PRKCE: variants seen among roughly 807,000 people sequenced by gnomAD.
PRKCE encodes protein kinase C epsilon type.
Under a neutral mutation model 85.4 loss-of-function variants are expected in PRKCE, and 16 were observed. The ratio of observed to expected loss-of-function variants is 0.19; its 90% CI spans 0.13 to 0.28. PRKCE has a LOEUF of 0.28. Ranked by LOEUF, PRKCE falls within the 10% of genes least tolerant of loss-of-function variation. The pLI is 1.00. For synonymous variants in PRKCE, 388 were observed against 371.5 expected (o/e 1.04, Z -0.51); for missense variants, 573 against 975.2 (o/e 0.59, Z 5.49).
chr2:46,067,859 C>T (rs1174336687), intron 10 of PRKCE, among the ~76,000 whole-genome samples: 2 of 152,096 alleles, frequency 1.3e-5, no homozygotes, highest in African/African-American at 4.8e-5. Context: ...GGTAGGGGTA[C>T]AGTAAAAGTC....
At chr2:45,783,691 G>A (rs1393212252) in intron 1 of PRKCE, among the ~76,000 whole-genome samples, 1 of 152,224 alleles carries the variant, frequency 6.6e-6, no homozygotes, top group Non-Finnish European at 1.5e-5. Flanking sequence ...TTGGTCTGCA[G>A]ATGAGGGGAT....
chr2:45,699,002 T>C (rs1678388379), intron 1 of PRKCE, among the ~76,000 whole-genome samples: 1 of 152,236 alleles, frequency 6.6e-6, no homozygotes, highest in African/African-American at 2.4e-5. Flanking sequence ...TAAGACTCTT[T>C]ATAAACTAGC....
At chr2:45,812,094 G>A (rs776441665) in intron 1 of PRKCE, among the ~76,000 whole-genome samples, 2 of 152,190 alleles carry the variant, frequency 1.3e-5, no homozygotes, top group Non-Finnish European at 2.9e-5. Flanking sequence ...CAACCCTGAT[G>A]AGCAGTATGA....
chr2:45,748,729 A>G (rs1476542656), intron 1 of PRKCE, among the ~76,000 whole-genome samples: 1 of 152,168 alleles, frequency 6.6e-6, no homozygotes, highest in East Asian at 1.9e-4. Context: ...TGTTGGATTC[A>G]GGGGGAAGGG....
intron 2 of PRKCE, among the ~76,000 whole-genome samples, chr2:45,871,677 T>C (rs1415810653): frequency 1.3e-5 from 2 of 152,188 alleles, no homozygotes; most frequent in Non-Finnish European, 2.9e-5. Context: ...TGAGGGTATT[T>C]TTCTTTGCAG....
At chr2:46,088,294 A>G (rs923619250) in intron 11 of PRKCE, among the ~76,000 whole-genome samples, 2 of 151,956 alleles carry the variant, frequency 1.3e-5, no homozygotes, top group Admixed American at 6.6e-5. Context: ...TCACCTGCCA[A>G]TTTCCAACTT....
intron 2 of PRKCE, among the ~76,000 whole-genome samples, chr2:45,968,710 G>A (rs145772565): frequency 2.7e-4 from 41 of 152,302 alleles, no homozygotes; most frequent in African/African-American, 9.6e-4. Context: ...GAGGTTGTGG[G>A]TGCCCCTGAC....
At chr2:45,824,251 G>A (rs1317382991) in intron 1 of PRKCE, among the ~76,000 whole-genome samples, 1 of 152,218 alleles carries the variant, frequency 6.6e-6, no homozygotes, top group Non-Finnish European at 1.5e-5. Context: ...ATCATCTAAG[G>A]TAAACAGACA....
intron 1 of PRKCE, among the ~76,000 whole-genome samples, chr2:45,806,333 G>A (rs927891681): frequency 1.3e-5 from 2 of 152,066 alleles, no homozygotes; most frequent in African/African-American, 2.4e-5. Flanking sequence ...TAACCCACCC[G>A]CTCCCCAAGC....
intron 2 of PRKCE, among the ~76,000 whole-genome samples, chr2:45,894,920 G>T (rs1696019375): frequency 6.6e-6 from 1 of 152,074 alleles, no homozygotes; most frequent in Non-Finnish European, 1.5e-5. Flanking sequence ...ACAGGGTTTT[G>T]CCATGTTGGC....
At chr2:46,135,015 C>T (rs1674817924) in intron 11 of PRKCE, among the ~76,000 whole-genome samples, 1 of 152,118 alleles carries the variant, frequency 6.6e-6, no homozygotes, top group Non-Finnish European at 1.5e-5. Context: ...GGCTTAATGC[C>T]CAGGTACAGC....
At chr2:45,952,479 C>A (rs1050397599) in intron 2 of PRKCE, among the ~76,000 whole-genome samples, 1 of 152,112 alleles carries the variant, frequency 6.6e-6, no homozygotes, top group African/African-American at 2.4e-5. Context: ...ATGGACTACA[C>A]GCAGAATTTA....
rs35154754 is a variant in PRKCE at position 46,149,860 on chromosome 2, CT to C, written c.1732-1167del. On this transcript the variant is annotated intron_variant, in intron 12 of 14. Transcript: ENST00000306156. ...ATAGAATAGCCAATCAGAAAAGATC[CT>C]TTTTTTTTTTTTTGAGATAGGGTCT... 2.6e-3 allele frequency among the ~76,000 whole-genome samples: 372 copies of C among 140,614 alleles called. 1 individual carries two copies. Among genetic ancestry groups the C allele is most frequent in the South Asian group, 0.011 (48 of 4,390 alleles). The allele number at this position is 140,614 out of a possible 152,430, so 92.2% of individuals were successfully genotyped here.
intron 1 of PRKCE, among the ~76,000 whole-genome samples, chr2:45,741,494 C>A (rs1401578158): frequency 1.3e-5 from 2 of 152,144 alleles, no homozygotes; most frequent in Non-Finnish European, 2.9e-5. Flanking sequence ...GACAGAGAGC[C>A]AAGGTTCTTC....
chr2:45,958,546 GA>G (rs1701138327), intron 2 of PRKCE, among the ~76,000 whole-genome samples: 1 of 148,404 alleles, frequency 6.7e-6, no homozygotes, highest in Non-Finnish European at 1.5e-5. Context: ...AAAACTCATA[GA>G]AACAACTCCC....
chr2:45,818,902 G>T (rs1360174688), intron 1 of PRKCE, among the ~76,000 whole-genome samples: 1 of 152,206 alleles, frequency 6.6e-6, no homozygotes, highest in Non-Finnish European at 1.5e-5. Context: ...GCTGAGGGAA[G>T]AAAGGAAGTA....
rs1290903807 is a variant in PRKCE at position 46,001,364 on chromosome 2, C to T, written c.824-40C>T. 2 of 1,572,540 alleles carry T rather than the reference C, an allele frequency of 1.3e-6. No homozygotes were observed. Among genetic ancestry groups the T allele is most frequent in the Admixed American group, 1.7e-5 (1 of 58,256 alleles). ...AAAGAAAAGAAGCAACATCTTAGGC[C>T]ATGAACACTTATCTGTCTTTTCTCC... On this transcript the variant is annotated intron_variant, in intron 6 of 14. Transcript: ENST00000306156. This position sits in a 1 kb window ranked among gnomAD's most constrained non-coding sequence, Gnocchi z 4.4.
intron 5 of PRKCE, among the ~76,000 whole-genome samples, chr2:45,982,795 A>G (rs773176154): frequency 5.3e-5 from 8 of 152,172 alleles, no homozygotes; most frequent in Non-Finnish European, 7.4e-5. Flanking sequence ...AGTGGTCCCA[A>G]CTGAGGGTCA....
Position 45,755,383 on chromosome 2 carries a change from A to C in PRKCE, c.349-87617A>C, listed in dbSNP as rs75055393. Among the ~76,000 whole-genome samples, 626 of 152,342 alleles carry C rather than the reference A, an allele frequency of 4.1e-3. 5 individuals are homozygous for C. The highest frequency in any genetic ancestry group is 0.014 in the African/African-American group (589 of 41,570). ...AGTGCTTAGGTTAAGCATATGATAC[A>C]GAAATAAATCTGAGGTGGTCCTGAG... is the stretch of plus-strand genomic sequence containing the variant. On this transcript the variant is annotated intron_variant, in intron 1 of 14. Transcript: ENST00000306156.
Sources: gnomAD v4.1 joint callset for allele counts (sites outside exome capture counted in the v4.1 genomes callset) on GRCh38, gnomAD v4.1.1 for gene constraint, Gnocchi (gnomAD v3.1) non-coding constraint, MANE v1.5 for transcripts, NCBI Gene and HGNC (gene_info 2026-07-23, HGNC 2026-07-21) for gene names.